Variants in PLCG2 observed in about 807,000 individuals in gnomAD.
The protein encoded by PLCG2 is phospholipase C gamma 2, also known as 1-phosphatidylinositol 4,5-bisphosphate phosphodiesterase gamma-2.
In PLCG2, 69 loss-of-function variants were observed where a neutral mutation model predicts 175.6. The ratio of observed to expected loss-of-function variants is 0.39; its 90% confidence interval spans 0.32 to 0.48. The LOEUF (loss-of-function observed/expected upper bound fraction) is 0.48, where lower values mean the gene tolerates loss of function less well. Ranked by LOEUF, PLCG2 falls within the 20% of genes least tolerant of loss-of-function variation. The pLI, the probability that PLCG2 is intolerant of heterozygous loss-of-function variation, is 0.91. For missense variants in PLCG2, 1,798 were observed against 1,650.9 expected, an observed-to-expected ratio of 1.09 and a Z score of -1.54; for synonymous variants, 827 against 624.0, an observed-to-expected ratio of 1.33 and a Z score of -4.85.
chr16:81,859,274 C>T (rs903296572), intron 5 of PLCG2, 111 bp downstream of exon 5: 22 of 717,616 alleles, frequency 3.1e-5, no homozygotes, highest in African/African-American at 1.8e-4. Flanking sequence ...GTCCTCACTG[C>T]GTCCATTGTG....
At position 81,946,215 on chromosome 16, in the gene PLCG2, C is replaced by T; in HGVS notation, c.3522C>T (p.Asp1174=). 1 of 1,613,960 alleles carries T rather than the reference C, an allele frequency of 6.2e-7. No homozygotes were observed. The highest frequency in any genetic ancestry group is 1.1e-5 in the South Asian group (1 of 91,082). ...CTCTGAAGAATGGGTACAGCGAGGA[C>T]ATAGAGCTGGCTTCCCTCCTGGTTT... is the stretch of plus-strand genomic sequence containing the variant. The part of the protein sequence containing the change: ...SVPLKNGYSE[D]IELASLLVFC... Residue 1174 remains aspartate, a synonymous_variant, in exon 31 of 33, where the codon GAC becomes GAT. Coordinates refer to ENST00000564138, the MANE Select transcript of PLCG2 (RefSeq NM_002661.5).
intron 21 of PLCG2, chr16:81,921,570 G>C: frequency 2.4e-6 from 1 of 417,644 alleles, no homozygotes; most frequent in Non-Finnish European, 4.5e-6. Flanking sequence ...TTGGCTCGCT[G>C]ACAGAGCCTG....
intron 2 of PLCG2, among the ~76,000 whole-genome samples, chr16:81,819,048 C>G (rs1415568326): frequency 1.3e-5 from 2 of 152,094 alleles, no homozygotes; most frequent in Non-Finnish European, 2.9e-5. Context: ...GCAGAGGAAG[C>G]TGAGGCTCAG....
chr16:81,923,696 C>A, intron 22 of PLCG2, 102 bp downstream of exon 22: 1 of 690,544 alleles, frequency 1.4e-6, no homozygotes, highest in Non-Finnish European at 2.5e-6. Context: ...CCTTTGTCAT[C>A]CTGGGCTGGC....
At chr16:81,860,143 C>CTATTATTATTATTATTATTAT (rs763477650) in intron 5 of PLCG2, among the ~76,000 whole-genome samples, 1 of 126,456 alleles carries the variant, frequency 7.9e-6, no homozygotes, top group Non-Finnish European at 1.7e-5. Context: ...GGCTTATTTA[C>CTATTATTATTATTATTATTAT]TATTATTATT....
intron 2 of PLCG2, chr16:81,766,865 C>G (rs1323758097): frequency 1.3e-5 from 2 of 152,252 alleles, no homozygotes; most frequent in East Asian, 3.9e-4. Flanking sequence ...TGGTTCCCTT[C>G]TCCCACCTCC....
intron 2 of PLCG2, among the ~76,000 whole-genome samples, chr16:81,850,413 A>G (rs1906346292): frequency 6.6e-6 from 1 of 152,200 alleles, no homozygotes; most frequent in Non-Finnish European, 1.5e-5. Flanking sequence ...TTTGTTTTTG[A>G]GGAGTGAAGA....
chr16:81,829,360 C>T (rs140765953), intron 2 of PLCG2, among the ~76,000 whole-genome samples: 58 of 152,304 alleles, frequency 3.8e-4, no homozygotes, highest in Middle Eastern at 6.8e-3. Context: ...CTGCCCGCCT[C>T]GGCCTCCCAA....
At chr16:81,937,969 G>C (rs1381494527) in intron 28 of PLCG2, 66 bp downstream of exon 28, 3 of 1,507,304 alleles carry the variant, frequency 2.0e-6, no homozygotes, top group Non-Finnish European at 2.7e-6. Flanking sequence ...GGCCGATGCT[G>C]TCTTGAGAGC....
At chr16:81,950,989 A>G (rs1218711469) in intron 31 of PLCG2, among the ~76,000 whole-genome samples, 1 of 152,142 alleles carries the variant, frequency 6.6e-6, no homozygotes, top group Non-Finnish European at 1.5e-5. Flanking sequence ...TTTATCAAAA[A>G]GGCCAAATTT....
intron 1 of PLCG2, among the ~76,000 whole-genome samples, chr16:81,744,162 TC>T (rs1334595825): frequency 2.1e-5 from 3 of 140,514 alleles, no homozygotes; most frequent in Admixed American, 1.4e-4. Flanking sequence ...CCAGCCAACT[TC>T]CCTTTTTTTT....
At chr16:81,884,894 TTTTG>T (rs559003656) in intron 9 of PLCG2, among the ~76,000 whole-genome samples, 10 of 152,138 alleles carry the variant, frequency 6.6e-5, no homozygotes, top group Non-Finnish European at 1.0e-4. Flanking sequence ...GCAATTTTTT[TTTTG>T]TTTGAGATAA....
chr16:81,931,767 C>T, intron 25 of PLCG2, 113 bp downstream of exon 25: 2 of 847,900 alleles, frequency 2.4e-6, no homozygotes, highest in Non-Finnish European at 1.9e-6. Flanking sequence ...AGGTCCTACT[C>T]AGAATTCAGG....
intron 2 of PLCG2, among the ~76,000 whole-genome samples, chr16:81,792,710 A>G (rs79750033): frequency 0.03 from 4,530 of 152,112 alleles, 230 homozygotes; most frequent in African/African-American, 0.1. Context: ...TTGTAAAACT[A>G]TCAGCCCTCA....
chr16:81,955,529 C>T lies in PLCG2; in HGVS notation c.3571-1166C>T, dbSNP rs539731793. On this transcript the variant is annotated intron_variant, in intron 31 of 32. Transcript: ENST00000564138. ...GCTTTTGTCTTTTTTTCTCCCCTAG[C>T]GTAATGGACTATTTTGGTTCCTGCA... Among the ~76,000 whole-genome samples the T allele has an allele frequency of 3.9e-5, 6 of 152,262 alleles. No homozygotes were observed. In the East Asian group the frequency reaches 9.6e-4, roughly 24 times the overall value.
chr16:81,956,149 G>A (rs1344619490), intron 31 of PLCG2, among the ~76,000 whole-genome samples: 9 of 152,200 alleles, frequency 5.9e-5, no homozygotes, highest in African/African-American at 2.2e-4. Context: ...ATGGCATCGT[G>A]TGATTTGTGA....
chr16:81,812,100 A>G (rs1904345212), intron 2 of PLCG2, among the ~76,000 whole-genome samples: 1 of 123,218 alleles, frequency 8.1e-6, no homozygotes, highest in Admixed American at 1.1e-4. Flanking sequence ...CCCAGGCTGG[A>G]CTGCAGTGGC....
chr16:81,800,611 A>G (rs952576734), intron 2 of PLCG2, among the ~76,000 whole-genome samples: 1 of 151,828 alleles, frequency 6.6e-6, no homozygotes, highest in African/African-American at 2.4e-5. Flanking sequence ...TATCCAGTCT[A>G]TTGTTGATGG....
chr16:81,795,722 A>T (rs1413065344), intron 2 of PLCG2, among the ~76,000 whole-genome samples: 1 of 150,560 alleles, frequency 6.6e-6, no homozygotes, highest in Non-Finnish European at 1.5e-5. Flanking sequence ...TCCCCAAGAG[A>T]TGGGGTCTTG....
Sources: allele counts gnomAD v4.1 joint callset (sites outside exome capture counted in the v4.1 genomes callset), GRCh38; gene constraint gnomAD v4.1.1; transcripts MANE v1.5; gene names NCBI Gene and HGNC (gene_info 2026-07-23, HGNC 2026-07-21).